Variants in INSL6 observed in about 807,000 individuals in gnomAD.
INSL6 encodes the protein insulin-like peptide INSL6.
Under a neutral mutation model 9.4 loss-of-function variants are expected in INSL6, and 16 were observed. The observed-to-expected ratio is 1.70, with a 90% CI of 1.15 to 2.59. The LOEUF is 2.59. Ranked by LOEUF, INSL6 falls within the 30% of genes most tolerant of loss-of-function variation. The pLI, the probability that INSL6 is intolerant of heterozygous loss-of-function variation, is 0.00. For missense variants in INSL6, 391 were observed against 257.3 expected, an observed-to-expected ratio of 1.52 and a Z score of -3.56; for synonymous variants, 154 against 96.9, an observed-to-expected ratio of 1.59 and a Z score of -3.46.
the INSL6 span, chr9:5,109,891 G>A: frequency 6.6e-6 from 1 of 152,076 alleles, no homozygotes; most frequent in African/African-American, 2.4e-5. Flanking sequence ...CTCTTTATCG[G>A]ATGAGAAGGT....
chr9:5,011,891 G>C, the INSL6 span, among the ~76,000 whole-genome samples: 1 of 152,186 alleles, frequency 6.6e-6, no homozygotes, highest in Admixed American at 6.5e-5. Flanking sequence ...TATTCTTCAA[G>C]TGTGGCTTTT....
At chr9:5,037,180 T>C in the INSL6 span, among the ~76,000 whole-genome samples, 36,400 of 151,778 alleles carry the variant, frequency 0.24, 4,673 homozygotes, top group South Asian at 0.31. Flanking sequence ...CCAGTTAGAA[T>C]GGCGATCATT....
intron 2 of INSL6, among the ~76,000 whole-genome samples, chr9:5,138,689 C>A (rs1302157701): frequency 1.3e-5 from 2 of 151,432 alleles, no homozygotes; most frequent in African/African-American, 4.8e-5. Context: ...TGTTAACAAA[C>A]CTGCACTTTC....
chr9:5,146,225 C>CAGCT (rs1378390130), intron 2 of INSL6, among the ~76,000 whole-genome samples: 1 of 152,110 alleles, frequency 6.6e-6, no homozygotes, highest in Non-Finnish European at 1.5e-5. Flanking sequence ...GGCCAGTATT[C>CAGCT]AGCTCCCAAA....
the INSL6 span, among the ~76,000 whole-genome samples, chr9:5,083,507 T>C: frequency 3.4e-4 from 51 of 152,236 alleles, no homozygotes; most frequent in African/African-American, 4.6e-4. Context: ...TGGGAACTTA[T>C]AGCATTTATT....
chr9:5,169,117 G>T (rs1825125259), intron 1 of INSL6, among the ~76,000 whole-genome samples: 1 of 152,054 alleles, frequency 6.6e-6, no homozygotes, highest in African/African-American at 2.4e-5. Context: ...GTAAAGACAG[G>T]GTTTTGCCAT....
chr9:5,111,646 C>T, the INSL6 span: 6 of 389,442 alleles, frequency 1.5e-5, no homozygotes, highest in South Asian at 3.9e-5. Flanking sequence ...GCTCATGCCC[C>T]TCGTCCCTCC....
the INSL6 span, among the ~76,000 whole-genome samples, chr9:4,992,877 C>G: frequency 0.061 from 9,334 of 152,272 alleles, 763 homozygotes; most frequent in African/African-American, 0.19. Flanking sequence ...GATTAGGTCT[C>G]AGTCCTGCTT....
chr9:5,117,229 T>C, the INSL6 span, among the ~76,000 whole-genome samples: 21 of 152,232 alleles, frequency 1.4e-4, no homozygotes, highest in Non-Finnish European at 2.9e-4. Context: ...TTATAAATTA[T>C]CCATTGTCAG....
chr9:5,081,158 G>T, the INSL6 span, among the ~76,000 whole-genome samples: 2 of 151,864 alleles, frequency 1.3e-5, no homozygotes, highest in African/African-American at 4.8e-5. Context: ...GCCTCCCAAA[G>T]TGCTGGGATT....
intron 1 of INSL6, among the ~76,000 whole-genome samples, chr9:5,179,132 T>C (rs774854406): frequency 5.5e-4 from 82 of 150,342 alleles, no homozygotes; most frequent in East Asian, 1.9e-4. Context: ...AAAGCTCTAA[T>C]ATCCAGCATC....
chr9:5,167,650 C>T (rs557303652), intron 1 of INSL6, among the ~76,000 whole-genome samples: 28 of 152,300 alleles, frequency 1.8e-4, no homozygotes, highest in Middle Eastern at 3.4e-3. Context: ...GGGTTGGCCA[C>T]GCTATCGTGG....
chr9:5,087,035 GA>G, the INSL6 span, among the ~76,000 whole-genome samples: 1 of 151,886 alleles, frequency 6.6e-6, no homozygotes, highest in Non-Finnish European at 1.5e-5. Context: ...AACACTAAAA[GA>G]AAAAAATCAG....
At chr9:5,024,622 C>G in the INSL6 span, among the ~76,000 whole-genome samples, 1 of 152,098 alleles carries the variant, frequency 6.6e-6, no homozygotes, top group Non-Finnish European at 1.5e-5. Flanking sequence ...CCCAAATAAA[C>G]TCTCCTCTGT....
intron 3 of INSL6, chr9:5,128,083 TGTGTG>T (rs1824118837): frequency 3.5e-3 from 19 of 5,430 alleles, no homozygotes; most frequent in Admixed American, 0.027. Context: ...GTGGGTTTTG[TGTGTG>T]TGTGTGTGTG....
At chr9:5,145,752 C>T (rs1337012315) in intron 2 of INSL6, among the ~76,000 whole-genome samples, 4 of 152,032 alleles carry the variant, frequency 2.6e-5, no homozygotes, top group African/African-American at 9.7e-5. Context: ...TCTATTAATA[C>T]TTGGGATTGC....
the INSL6 span, among the ~76,000 whole-genome samples, chr9:5,007,085 C>A: frequency 6.6e-6 from 1 of 151,902 alleles, no homozygotes; most frequent in African/African-American, 2.4e-5. Context: ...CAACGTTTTA[C>A]TTTGCTTTTC....
chr9:5,147,448 G>A (rs1459183113), intron 2 of INSL6, among the ~76,000 whole-genome samples: 1 of 152,184 alleles, frequency 6.6e-6, no homozygotes. Flanking sequence ...GTTGCCCCTG[G>A]AGGCTCTGTC....
chr9:5,125,727 C>A (rs1823942614), intron 3 of INSL6, among the ~76,000 whole-genome samples: 2 of 151,378 alleles, frequency 1.3e-5, no homozygotes, highest in Admixed American at 6.6e-5. Context: ...ATTTCCATTT[C>A]TTTTCTTAAT....
Sources: gnomAD v4.1 joint callset for allele counts (sites outside exome capture counted in the v4.1 genomes callset) on GRCh38, gnomAD v4.1.1 for gene constraint, MANE v1.5 for transcripts, NCBI Gene and HGNC (gene_info 2026-07-23, HGNC 2026-07-21) for gene names.